EBF1: variants seen among roughly 807,000 people sequenced by gnomAD.
The protein encoded by EBF1 is transcription factor COE1.
In EBF1, 10 loss-of-function variants were observed where a neutral mutation model predicts 68.4. The observed-to-expected ratio is 0.15, with a 90% CI of 0.09 to 0.25. The LOEUF (loss-of-function observed/expected upper bound fraction) is 0.25. Ranked by LOEUF, EBF1 falls within the 10% of genes least tolerant of loss-of-function variation. EBF1 has a pLI of 1.00. For synonymous variants in EBF1, 298 were observed against 299.8 expected (o/e 0.99, Z 0.06); for missense variants, 509 against 794.4 (o/e 0.64, Z 4.32).
intron 6 of EBF1, among the ~76,000 whole-genome samples, chr5:159,046,791 T>G (rs1266814263): frequency 1.3e-5 from 2 of 152,156 alleles, no homozygotes; most frequent in African/African-American, 2.4e-5. Context: ...CTGAGTAAAG[T>G]GGGTGGAGGG....
chr5:159,094,164 G>GTAA (rs1415478986), intron 4 of EBF1, among the ~76,000 whole-genome samples: 3 of 14,206 alleles, frequency 2.1e-4, no homozygotes, highest in Admixed American at 1.0e-3. Flanking sequence ...GCCTTGGAAG[G>GTAA]CAAAAAAAAA....
intron 6 of EBF1, among the ~76,000 whole-genome samples, chr5:158,840,522 A>C (rs1426672881): frequency 6.6e-6 from 1 of 152,234 alleles, no homozygotes; most frequent in African/African-American, 2.4e-5. Flanking sequence ...GGATGAATAC[A>C]AGGATTTGGT....
chr5:158,739,663 T>A (rs534444622), intron 10 of EBF1, among the ~76,000 whole-genome samples: 2 of 152,202 alleles, frequency 1.3e-5, no homozygotes, highest in Admixed American at 6.5e-5. Flanking sequence ...ATATTCTGTC[T>A]TTCTTAACAT....
chr5:158,950,400 G>A lies in EBF1; in HGVS notation c.555-110290C>T, dbSNP rs73816846. ...TCACAACAAAACTTCAGTCCAGGCAGAGCTTCCACTATAGCAGTCCAAAGC... is the reference window on the plus strand; with the variant it reads ...TCACAACAAAACTTCAGTCCAGGCAAAGCTTCCACTATAGCAGTCCAAAGC... On this transcript the variant is annotated intron_variant, in intron 6 of 15. Coordinates refer to ENST00000313708, the MANE Select transcript of EBF1 (RefSeq NM_024007.5). 7.0e-3 allele frequency among the ~76,000 whole-genome samples: 1,065 copies of A among 152,280 alleles called. 16 individuals are homozygous for A. The highest frequency in any genetic ancestry group is 0.024 in the African/African-American group (999 of 41,538).
chr5:159,090,807 GTAA>G (rs138049191), intron 4 of EBF1, among the ~76,000 whole-genome samples: 235 of 149,224 alleles, frequency 1.6e-3, no homozygotes, highest in South Asian at 4.3e-3. Flanking sequence ...ACCCAATGGG[GTAA>G]TAATAATAAT....
chr5:158,880,839 C>G (rs981301494), intron 6 of EBF1, among the ~76,000 whole-genome samples: 7 of 152,242 alleles, frequency 4.6e-5, no homozygotes, highest in Admixed American at 3.9e-4. Context: ...TTCCTGGAAC[C>G]CGGGGTGATT....
chr5:159,084,820 C>G, intron 4 of EBF1, 81 bp from the exon 5 acceptor site: 1 of 1,270,106 alleles, frequency 7.9e-7, no homozygotes, highest in Non-Finnish European at 1.1e-6. Context: ...AGTTCTTAAC[C>G]ACTTCACCAC....
At chr5:159,026,361 T>C (rs1173817617) in intron 6 of EBF1, among the ~76,000 whole-genome samples, 1 of 152,148 alleles carries the variant, frequency 6.6e-6, no homozygotes, top group East Asian at 1.9e-4. Flanking sequence ...AGGAAATTCA[T>C]GCTTTTAAAT....
intron 6 of EBF1, among the ~76,000 whole-genome samples, chr5:158,854,658 A>C (rs750738007): frequency 9.9e-5 from 15 of 152,212 alleles, no homozygotes; most frequent in Non-Finnish European, 1.9e-4. Context: ...GAAACAAAAC[A>C]ACTGACTCGG....
chr5:159,038,821 C>G (rs535292889), intron 6 of EBF1, among the ~76,000 whole-genome samples: 1 of 152,298 alleles, frequency 6.6e-6, no homozygotes, highest in East Asian at 1.9e-4. Context: ...CCCAGGAGGG[C>G]TAATGGGATG....
At chr5:159,093,676 G>A (rs1782041316) in intron 4 of EBF1, among the ~76,000 whole-genome samples, 1 of 152,046 alleles carries the variant, frequency 6.6e-6, no homozygotes, top group African/African-American at 2.4e-5. Context: ...ATTTTTATAT[G>A]AGTATAAGGT....
chr5:158,711,588 G>A (rs1759319256), intron 14 of EBF1, among the ~76,000 whole-genome samples: 1 of 152,170 alleles, frequency 6.6e-6, no homozygotes, highest in Non-Finnish European at 1.5e-5. Context: ...ATAATCAGGT[G>A]AAACAAGACG....
At chr5:158,704,706 A>T (rs939405424) in intron 15 of EBF1, among the ~76,000 whole-genome samples, 1 of 152,106 alleles carries the variant, frequency 6.6e-6, no homozygotes, top group Non-Finnish European at 1.5e-5. Context: ...TTCTCAGGGA[A>T]AACTTTTGTG....
chr5:159,063,771 A>G (rs1284801462), intron 6 of EBF1, among the ~76,000 whole-genome samples: 3 of 152,222 alleles, frequency 2.0e-5, no homozygotes, highest in African/African-American at 7.2e-5. Flanking sequence ...TTAAGAATGA[A>G]AATCCACATG....
At chr5:158,719,810 G>GC (rs1761553749) in intron 11 of EBF1, among the ~76,000 whole-genome samples, 2 of 152,044 alleles carry the variant, frequency 1.3e-5, no homozygotes, top group Non-Finnish European at 2.9e-5. Flanking sequence ...TGGGAACTCC[G>GC]CCCATAAAAT....
chr5:159,014,912 G>A (rs1189573284), intron 6 of EBF1, among the ~76,000 whole-genome samples: 1 of 152,188 alleles, frequency 6.6e-6, no homozygotes, highest in Non-Finnish European at 1.5e-5. Flanking sequence ...AGAAGAATAT[G>A]CTAGAGGGAA....
At chr5:158,902,748 G>A (rs532920099) in intron 6 of EBF1, among the ~76,000 whole-genome samples, 137 of 152,068 alleles carry the variant, frequency 9.0e-4, no homozygotes, top group Admixed American at 2.5e-3. Flanking sequence ...GAGCCACAGA[G>A]CCCAGCCCAA....
At chr5:159,034,966 G>A (rs1769732660) in intron 6 of EBF1, among the ~76,000 whole-genome samples, 1 of 152,192 alleles carries the variant, frequency 6.6e-6, no homozygotes, top group East Asian at 1.9e-4. Flanking sequence ...TTCACATGGT[G>A]CTCTTTGGAA....
At chr5:158,789,554 C>A (rs1354340301) in intron 9 of EBF1, among the ~76,000 whole-genome samples, 1 of 152,080 alleles carries the variant, frequency 6.6e-6, no homozygotes, top group Non-Finnish European at 1.5e-5. Flanking sequence ...TCTGGTATAA[C>A]CAAAAGCTGA....
Sources: gnomAD v4.1 joint callset for allele counts (sites outside exome capture counted in the v4.1 genomes callset) on GRCh38, gnomAD v4.1.1 for gene constraint, MANE v1.5 for transcripts, NCBI Gene and HGNC (gene_info 2026-07-23, HGNC 2026-07-21) for gene names.